CAB39L: variants seen among roughly 807,000 people sequenced by gnomAD.
CAB39L encodes calcium-binding protein 39-like.
Under a neutral mutation model 39.1 loss-of-function variants are expected in CAB39L, and 23 were observed. The ratio of observed to expected loss-of-function variants is 0.59; its 90% CI spans 0.42 to 0.83. The LOEUF (loss-of-function observed/expected upper bound fraction) is 0.83. Among genes scored for constraint, CAB39L ranks in the 40% least tolerant of loss-of-function variants. The probability of loss-of-function intolerance (pLI) is 0.00; values close to 1 mark genes in which losing one functional copy is unlikely to be tolerated. For missense variants in CAB39L, 366 were observed against 391.9 expected, an observed-to-expected ratio of 0.93 and a Z score of 0.56; for synonymous variants, 126 against 137.2, an observed-to-expected ratio of 0.92 and a Z score of 0.57.
At chr13:49,343,226 C>G (rs1955053125) in intron 8 of CAB39L, among the ~76,000 whole-genome samples, 1 of 152,186 alleles carries the variant, frequency 6.6e-6, no homozygotes, top group Admixed American at 6.5e-5. Context: ...AAATGTATGA[C>G]ACTGCATTAG....
intron 3 of CAB39L, among the ~76,000 whole-genome samples, chr13:49,419,618 G>T (rs747102320): frequency 6.6e-6 from 1 of 152,102 alleles, no homozygotes; most frequent in Non-Finnish European, 1.5e-5. Context: ...AATTCAAAAT[G>T]TAAAATTTCC....
At position 49,387,121 on chromosome 13, in the gene CAB39L, T is replaced by C. The variant is rs79479699; in HGVS notation, c.-31-4180A>G. Among the ~76,000 whole-genome samples the C allele has an allele frequency of 4.4e-3, 674 of 152,310 alleles. 6 individuals are homozygous for C. Among genetic ancestry groups the C allele is most frequent in the African/African-American group, 0.015 (637 of 41,584 alleles). On this transcript the variant is annotated intron_variant, in intron 3 of 10. Transcript: ENST00000409308. ...TCACCCCCTTCTAGGTGTCACTTGT[T>C]CTATCTGTAAAACGAAGTTGTTCTT...
At chr13:49,361,209 G>A (rs1380348616) in intron 5 of CAB39L, among the ~76,000 whole-genome samples, 2 of 152,146 alleles carry the variant, frequency 1.3e-5, no homozygotes, top group Non-Finnish European at 2.9e-5. Flanking sequence ...GCCAGGCGCA[G>A]TGGCTCACGC....
At chr13:49,312,581 G>C (rs202033597) in intron 10 of CAB39L, among the ~76,000 whole-genome samples, 2 of 152,176 alleles carry the variant, frequency 1.3e-5, no homozygotes, top group South Asian at 4.1e-4. Context: ...CTAGGTCTGC[G>C]TAAATGCACT....
chr13:49,388,961 G>T (rs1372621875), intron 3 of CAB39L, among the ~76,000 whole-genome samples: 1 of 152,130 alleles, frequency 6.6e-6, no homozygotes, highest in Non-Finnish European at 1.5e-5. Context: ...CCCAACAAAA[G>T]CGGGGGAACA....
intron 10 of CAB39L, among the ~76,000 whole-genome samples, chr13:49,331,528 C>A (rs567740739): frequency 1.2e-4 from 18 of 152,082 alleles, no homozygotes; most frequent in Admixed American, 1.1e-3. Context: ...TCTATCATAA[C>A]AAAATACATT....
intron 10 of CAB39L, among the ~76,000 whole-genome samples, chr13:49,325,345 C>T (rs1364602767): frequency 6.6e-6 from 1 of 152,236 alleles, no homozygotes; most frequent in Non-Finnish European, 1.5e-5. Context: ...AGTTGGTATA[C>T]TTTTCAATAT....
At chr13:49,419,435 A>T (rs1280247612) in intron 3 of CAB39L, among the ~76,000 whole-genome samples, 1 of 152,144 alleles carries the variant, frequency 6.6e-6, no homozygotes, top group Non-Finnish European at 1.5e-5. Context: ...AAAATTAGCC[A>T]CATGTGGTGG....
At chr13:49,328,651 C>T (rs764577360) in intron 10 of CAB39L, among the ~76,000 whole-genome samples, 41 of 152,078 alleles carry the variant, frequency 2.7e-4, no homozygotes, top group Admixed American at 1.2e-3. Context: ...GGTAAAACAG[C>T]GAGACCTCAT....
At chr13:49,364,146 A>G (rs1169361786) in intron 5 of CAB39L, among the ~76,000 whole-genome samples, 1 of 152,214 alleles carries the variant, frequency 6.6e-6, no homozygotes, top group Non-Finnish European at 1.5e-5. Flanking sequence ...TATATGCACC[A>G]AACACTAGAG....
intron 6 of CAB39L, among the ~76,000 whole-genome samples, chr13:49,353,512 C>T (rs1397227722): frequency 6.6e-6 from 1 of 151,838 alleles, no homozygotes; most frequent in South Asian, 2.1e-4. Flanking sequence ...TCCCTGGAGC[C>T]CCTCATTCCC....
intron 3 of CAB39L, among the ~76,000 whole-genome samples, chr13:49,416,219 T>C (rs1268447105): frequency 6.6e-6 from 1 of 152,202 alleles, no homozygotes; most frequent in Non-Finnish European, 1.5e-5. Flanking sequence ...ACTCTGTTAC[T>C]GGCTTTAGAA....
chr13:49,386,987 A>G (rs1306929000), intron 3 of CAB39L, among the ~76,000 whole-genome samples: 10 of 152,222 alleles, frequency 6.6e-5, no homozygotes, highest in Admixed American at 6.5e-4. Flanking sequence ...ACTGGTGGTC[A>G]TTTAAGCAAT....
chr13:49,399,800 A>C (rs1262072673), intron 3 of CAB39L, among the ~76,000 whole-genome samples: 3 of 152,068 alleles, frequency 2.0e-5, no homozygotes, highest in Non-Finnish European at 4.4e-5. Flanking sequence ...ATAATTTTCC[A>C]CCAGTCTAAG....
intron 3 of CAB39L, among the ~76,000 whole-genome samples, chr13:49,425,544 TGGTA>T (rs1957232919): frequency 6.6e-6 from 1 of 152,212 alleles, no homozygotes; most frequent in Non-Finnish European, 1.5e-5. Context: ...TGCATAGCTC[TGGTA>T]GCAAAATTAT....
chr13:49,320,185 C>A (rs1270379710), intron 10 of CAB39L, among the ~76,000 whole-genome samples: 1 of 152,204 alleles, frequency 6.6e-6, no homozygotes, highest in Non-Finnish European at 1.5e-5. Flanking sequence ...ATAAGAAACA[C>A]ACTTCTAATT....
chr13:49,352,486 G>A (rs1955384886), intron 6 of CAB39L, among the ~76,000 whole-genome samples: 1 of 152,046 alleles, frequency 6.6e-6, no homozygotes, highest in Non-Finnish European at 1.5e-5. Flanking sequence ...GGGCGTGACT[G>A]CTCACTCCTG....
Position 49,359,778 on chromosome 13 carries a change from T to C in CAB39L, c.331A>G (p.Thr111Ala). The C allele has an allele frequency of 6.2e-7, 1 of 1,613,390 alleles. No individual in the cohort carries two copies. Among genetic ancestry groups the C allele is most frequent in the Non-Finnish European group, 8.5e-7 (1 of 1,179,410 alleles). Residue 111 changes from threonine (T) to alanine (A), a missense_variant, in exon 6 of 11, where the codon ACT (threonine) becomes GCT (alanine). Transcript: ENST00000409308. ...ATATACTCCACAGTAGGACTCCGAGTGCCTATCTGTCTTCTCAAGATGTTG... is the reference window on the plus strand; with the variant it reads ...ATATACTCCACAGTAGGACTCCGAGCGCCTATCTGTCTTCTCAAGATGTTG... ...FNNILRRQIGTRSPTVEYISA... is the reference protein window; with the variant it reads ...FNNILRRQIGARSPTVEYISA...
In CAB39L at chr13:49,443,918, C is replaced by G. The variant is rs113320078; in HGVS notation, c.-246+68G>C. 1.2e-3 allele frequency: 529 copies of G among 456,722 alleles called. 9 individuals are homozygous for G. The East Asian group carries it at 0.033, about 28-fold the overall frequency. 28.3% of individuals were successfully genotyped at this position (456,722 alleles called of 1,614,324 possible). A position where few individuals can be genotyped will look rare whatever the true frequency, so the allele number is the denominator to read the frequency against. On this transcript the variant is annotated intron_variant, in intron 1 of 10. Coordinates refer to ENST00000409308, the MANE Select transcript of CAB39L (RefSeq NM_001079670.3). ...CGGACCCCTCCACTACGGCCAGGCGCTATGTATGTTTTCAACCCCCAAGAA... is the reference window on the plus strand; with the variant it reads ...CGGACCCCTCCACTACGGCCAGGCGGTATGTATGTTTTCAACCCCCAAGAA...
Sources: allele counts gnomAD v4.1 joint callset (sites outside exome capture counted in the v4.1 genomes callset), GRCh38; gene constraint gnomAD v4.1.1; transcripts MANE v1.5; gene names NCBI Gene and HGNC (gene_info 2026-07-23, HGNC 2026-07-21).